Variants in IGDCC3 observed in about 807,000 individuals in gnomAD.
The protein encoded by IGDCC3 is immunoglobulin superfamily DCC subclass member 3, also known as putative neuronal cell adhesion molecule.
A neutral mutation model predicts 72.0 loss-of-function variants in IGDCC3; 47 were observed. That is an observed-to-expected ratio of 0.65 (90% confidence interval 0.52 to 0.83). The LOEUF (loss-of-function observed/expected upper bound fraction) is 0.83. Ranked by LOEUF, IGDCC3 falls within the 40% of genes least tolerant of loss-of-function variation. The pLI is 0.00. For missense variants in IGDCC3, 1,038 were observed against 1,091.3 expected (o/e 0.95, Z 0.69); for synonymous variants, 477 against 472.8 (o/e 1.01, Z -0.11).
Position 65,377,454 on chromosome 15 carries a change from T to C in IGDCC3, c.103+232A>G, listed in dbSNP as rs371282696. 1.3e-5 allele frequency among the ~76,000 whole-genome samples: 2 copies of C among 152,162 alleles called. No individual in the cohort carries two copies. The highest frequency in any genetic ancestry group is 3.9e-4 in the East Asian group (2 of 5,154). ...CTTGCTCCTCAGTCTGGGCTCCGGG[T>C]CCTGCCCCAGTCTTCCTCCGGGGGG... On this transcript the variant is annotated intron_variant, in intron 1 of 13. Coordinates refer to ENST00000327987, the MANE Select transcript of IGDCC3 (RefSeq NM_004884.4). This position sits in a 1 kb window ranked among gnomAD's most constrained non-coding sequence, Gnocchi z 4.9.
At chr15:65,357,406 A>G (rs754604021) in intron 2 of IGDCC3, among the ~76,000 whole-genome samples, 2 of 152,228 alleles carry the variant, frequency 1.3e-5, no homozygotes, top group Non-Finnish European at 2.9e-5. Flanking sequence ...GACACATATC[A>G]CAGAGCCCTT....
At chr15:65,342,563 C>T (rs369962719) in intron 2 of IGDCC3, among the ~76,000 whole-genome samples, 19 of 152,242 alleles carry the variant, frequency 1.2e-4, no homozygotes, top group East Asian at 3.9e-4. Context: ...GGTCCAGACC[C>T]GAAGCAAGGT....
chr15:65,363,408 C>G (rs546031219), intron 2 of IGDCC3, among the ~76,000 whole-genome samples: 1 of 152,198 alleles, frequency 6.6e-6, no homozygotes, highest in Non-Finnish European at 1.5e-5. Flanking sequence ...GGGCCGCCTG[C>G]TGGACCCCCA....
intron 2 of IGDCC3, among the ~76,000 whole-genome samples, chr15:65,341,391 G>T (rs2091079972): frequency 6.6e-6 from 1 of 152,172 alleles, no homozygotes; most frequent in African/African-American, 2.4e-5. Flanking sequence ...ATACCCAAAA[G>T]AACTGAAAGC....
At position 65,329,376 on chromosome 15, in the gene IGDCC3, A is replaced by G. The variant is rs113982102; in HGVS notation, c.2205+14T>C. On this transcript the variant is annotated intron_variant, in intron 13 of 13. Transcript: ENST00000327987. The surrounding 1 kb of genome is among the most constrained non-coding windows in gnomAD (Gnocchi z 4.1). ...AGCCTGAGGCGGGGGTTTGTTTAAG[A>G]CATGGGCACTCACTGTGGGTCTGGG... The G allele has an allele frequency of 1.7e-3, 2,669 of 1,577,364 alleles. 44 individuals carry two copies. The African/African-American group carries it at 0.032, about 19-fold the overall frequency.
chr15:65,328,802 T>C lies in IGDCC3; in HGVS notation c.*107A>G. On this transcript the variant is annotated 3_prime_UTR_variant, in exon 14 of 14. Coordinates refer to ENST00000327987, the MANE Select transcript of IGDCC3 (RefSeq NM_004884.4). ...CAAGAGGCAGTCAGGATAGAAATGC[T>C]GGGGAGCCCCCAGGACCATCCAAAT... The C allele has an allele frequency of 7.4e-7, 1 of 1,354,126 alleles. No individual in the cohort carries two copies. Among genetic ancestry groups the C allele is most frequent in the Non-Finnish European group, 9.7e-7 (1 of 1,028,688 alleles). The allele number at this position is 1,354,126 out of a possible 1,614,324, so 83.9% of individuals were successfully genotyped here. A position where few individuals can be genotyped will look rare whatever the true frequency, so the allele number is the denominator to read the frequency against.
intron 2 of IGDCC3, among the ~76,000 whole-genome samples, chr15:65,365,906 A>T (rs190077956): frequency 2.0e-4 from 30 of 152,226 alleles, no homozygotes; most frequent in Admixed American, 1.8e-3. Flanking sequence ...CCTCATCTCT[A>T]CAAAAAATTT....
At chr15:65,368,470 G>A (rs1158920677) in intron 2 of IGDCC3, among the ~76,000 whole-genome samples, 2 of 152,196 alleles carry the variant, frequency 1.3e-5, no homozygotes, top group African/African-American at 4.8e-5. Context: ...TGTGACAGTG[G>A]AGCCAAGGTG....
Position 65,367,405 on chromosome 15 carries a change from T to A in IGDCC3, c.409+7692A>T, listed in dbSNP as rs548069801. ...AATGGGGAGAGGGGGGAGGGATAGCTTTAGGAGATATACCTAATGCTAAAT... is the reference window on the plus strand; with the variant it reads ...AATGGGGAGAGGGGGGAGGGATAGCATTAGGAGATATACCTAATGCTAAAT... On this transcript the variant is annotated intron_variant, in intron 2 of 13. Coordinates refer to ENST00000327987, the MANE Select transcript of IGDCC3 (RefSeq NM_004884.4). 1.4e-3 allele frequency among the ~76,000 whole-genome samples: 212 copies of A among 150,402 alleles called. 3 individuals carry two copies. Among genetic ancestry groups the A allele is most frequent in the South Asian group, 2.1e-3 (10 of 4,710 alleles).
intron 2 of IGDCC3, among the ~76,000 whole-genome samples, chr15:65,370,456 G>A (rs1198152418): frequency 6.7e-6 from 1 of 148,768 alleles, no homozygotes; most frequent in Non-Finnish European, 1.5e-5. Context: ...AGATGTTGCA[G>A]TGAGCTGAGA....
intron 6 of IGDCC3, 43 bp from the exon 7 acceptor site, chr15:65,332,149 C>G (rs2141032969): frequency 6.3e-7 from 1 of 1,586,430 alleles, no homozygotes; most frequent in Non-Finnish European, 8.6e-7. Context: ...ACAGACACAG[C>G]TGTGAGTGAC....
At chr15:65,361,688 A>ACGCACACT (rs1363044064) in intron 2 of IGDCC3, among the ~76,000 whole-genome samples, 5 of 116,698 alleles carry the variant, frequency 4.3e-5, no homozygotes, top group Non-Finnish European at 7.1e-5. Flanking sequence ...GCGAGGACAC[A>ACGCACACT]CGCACACTCG....
At chr15:65,349,026 TC>T (rs1323517295) in intron 2 of IGDCC3, among the ~76,000 whole-genome samples, 3 of 152,160 alleles carry the variant, frequency 2.0e-5, no homozygotes, top group Non-Finnish European at 4.4e-5. Context: ...CCTGATCATT[TC>T]ACTTTCCCCA....
At chr15:65,353,910 T>G (rs776237601) in intron 2 of IGDCC3, among the ~76,000 whole-genome samples, 3 of 152,206 alleles carry the variant, frequency 2.0e-5, no homozygotes, top group African/African-American at 4.8e-5. Context: ...ATTCCTTCAC[T>G]TCTTTTTTAT....
intron 2 of IGDCC3, among the ~76,000 whole-genome samples, chr15:65,351,616 G>A (rs2140156218): frequency 6.6e-6 from 1 of 152,116 alleles, no homozygotes; most frequent in African/African-American, 2.4e-5. Context: ...TTTAAAATTG[G>A]GTTTAACATT....
intron 2 of IGDCC3, among the ~76,000 whole-genome samples, chr15:65,345,549 G>A (rs2091117343): frequency 6.7e-6 from 1 of 149,490 alleles, no homozygotes; most frequent in Non-Finnish European, 1.5e-5. Context: ...GTGAGACCCT[G>A]TCTCACACGC....
intron 10 of IGDCC3, 61 bp from the exon 11 acceptor site, chr15:65,330,458 C>A: frequency 6.4e-7 from 1 of 1,568,822 alleles, no homozygotes; most frequent in Non-Finnish European, 8.8e-7. Flanking sequence ...CTGTCCTAGC[C>A]AGGAAAGGGA....
At chr15:65,368,544 G>C (rs1298377156) in intron 2 of IGDCC3, among the ~76,000 whole-genome samples, 3 of 152,128 alleles carry the variant, frequency 2.0e-5, no homozygotes, top group Middle Eastern at 3.4e-3. Flanking sequence ...TGGAGGCCCT[G>C]CACACAGAGT....
chr15:65,329,488 C>T lies in IGDCC3; in HGVS notation c.2107G>A (p.Gly703Ser), dbSNP rs1475947749. ...ALNGARRGQRGQLGRDEKRVD... is the reference protein window; with the variant it reads ...ALNGARRGQRSQLGRDEKRVD... Reference sequence around the variant, plus strand: ...CGTTTCTCGTCTCGGCCCAGCTGGCCCCGCTGTCCCCGTCTCGCCCCATTT... The same window carrying T: ...CGTTTCTCGTCTCGGCCCAGCTGGCTCCGCTGTCCCCGTCTCGCCCCATTT... Residue 703 changes from glycine to serine, a missense_variant, in exon 13 of 14, where the codon GGC becomes AGC. Coordinates refer to ENST00000327987, the MANE Select transcript of IGDCC3 (RefSeq NM_004884.4). The surrounding 1 kb of genome is among the most constrained non-coding windows in gnomAD (Gnocchi z 4.1). 6.2e-7 allele frequency: 1 copy of T among 1,609,244 alleles called. No homozygotes were observed. The highest frequency in any genetic ancestry group is 1.1e-5 in the South Asian group (1 of 90,530).
Sources: gnomAD v4.1 joint callset for allele counts (sites outside exome capture counted in the v4.1 genomes callset) on GRCh38, gnomAD v4.1.1 for gene constraint, Gnocchi (gnomAD v3.1) non-coding constraint, MANE v1.5 for transcripts, NCBI Gene and HGNC (gene_info 2026-07-23, HGNC 2026-07-21) for gene names.